HMGN3: variants seen among roughly 807,000 people sequenced by gnomAD.
HMGN3 encodes high mobility group nucleosome-binding domain-containing protein 3.
A neutral mutation model predicts 18.8 loss-of-function variants in HMGN3; 6 were observed. That is an observed-to-expected ratio of 0.32 (90% CI 0.18 to 0.63). HMGN3 has a LOEUF of 0.63. Ranked by LOEUF, HMGN3 falls within the 30% of genes least tolerant of loss-of-function variation. The probability of loss-of-function intolerance (pLI) is 0.79; values close to 1 mark genes in which losing one functional copy is unlikely to be tolerated. For synonymous variants in HMGN3, 40 were observed against 36.5 expected (o/e 1.10, Z -0.35); for missense variants, 107 against 114.2 (o/e 0.94, Z 0.29).
chr6:79,223,132 A>C (rs1398069100), intron 1 of HMGN3, among the ~76,000 whole-genome samples: 1 of 152,198 alleles, frequency 6.6e-6, no homozygotes, highest in Non-Finnish European at 1.5e-5. Context: ...TAATCGCAGC[A>C]CTTTGGGAGG....
chr6:79,201,498 T>C, exon 6 of HMGN3: 2 of 549,006 alleles, frequency 3.6e-6, no homozygotes, highest in South Asian at 2.9e-5. Context: ...CTGATATTTA[T>C]TTTACTTGAG....
intron 2 of HMGN3, among the ~76,000 whole-genome samples, chr6:79,210,660 C>T (rs1024243284): frequency 6.6e-6 from 1 of 152,094 alleles, no homozygotes; most frequent in Non-Finnish European, 1.5e-5. Flanking sequence ...AGAGCCACTA[C>T]TCAGTTACTC....
chr6:79,225,427 C>G (rs553468634), intron 1 of HMGN3, among the ~76,000 whole-genome samples: 3 of 152,290 alleles, frequency 2.0e-5, no homozygotes, highest in African/African-American at 7.2e-5. Flanking sequence ...AGTCCTAGGT[C>G]CAGTGGATTT....
intron 1 of HMGN3, 79 bp from the exon 2 acceptor site, chr6:79,215,101 A>C: frequency 5.6e-5 from 48 of 858,578 alleles, no homozygotes; most frequent in Non-Finnish European, 7.3e-5. Context: ...AAGTTATCTC[A>C]TTCCCAGGAC....
chr6:79,214,928 T>G, intron 2 of HMGN3, 44 bp downstream of exon 2: 1 of 1,030,798 alleles, frequency 9.7e-7, no homozygotes, highest in East Asian at 2.4e-5. Flanking sequence ...TATTAAACAT[T>G]TCAATGTAAA....
intron 1 of HMGN3, among the ~76,000 whole-genome samples, chr6:79,229,753 C>T (rs1777747704): frequency 6.6e-6 from 1 of 152,014 alleles, no homozygotes; most frequent in African/African-American, 2.4e-5. Context: ...TGGCGGGCGC[C>T]TGTAGTCCCA....
At chr6:79,220,379 C>T (rs1223211088) in intron 1 of HMGN3, among the ~76,000 whole-genome samples, 2 of 152,194 alleles carry the variant, frequency 1.3e-5, no homozygotes, top group African/African-American at 4.8e-5. Context: ...TATACCCTTC[C>T]ATTATAATGA....
intron 1 of HMGN3, among the ~76,000 whole-genome samples, chr6:79,216,522 G>T (rs1776990759): frequency 6.6e-6 from 1 of 152,146 alleles, no homozygotes; most frequent in South Asian, 2.1e-4. Context: ...CCCTAGAGCT[G>T]CCCGTTACCC....
rs117774377 is a variant in HMGN3 at position 79,218,636 on chromosome 6, T to C, written c.16-3614A>G. Reference sequence around the variant, plus strand: ...AAAGAAAAGCATAACAAATGATAACTGCAAAATCATGACTGAGGTTACCTT... The same window carrying C: ...AAAGAAAAGCATAACAAATGATAACCGCAAAATCATGACTGAGGTTACCTT... On this transcript the variant is annotated intron_variant, in intron 1 of 5. Coordinates refer to ENST00000344726, the Ensembl canonical transcript of HMGN3. 3.6e-3 allele frequency among the ~76,000 whole-genome samples: 543 copies of C among 152,248 alleles called. 1 individual carries two copies. Among genetic ancestry groups the C allele is most frequent in the Non-Finnish European group, 5.9e-3 (402 of 68,014 alleles).
chr6:79,202,247 A>C (rs759915020), intron 5 of HMGN3, 29 bp downstream of exon 5: 10 of 1,613,844 alleles, frequency 6.2e-6, no homozygotes, highest in Middle Eastern at 1.7e-4. Context: ...ACACTGATTC[A>C]ATCAGTGGGA....
intron 2 of HMGN3, among the ~76,000 whole-genome samples, chr6:79,214,465 T>C (rs1473182751): frequency 6.6e-6 from 1 of 152,210 alleles, no homozygotes; most frequent in African/African-American, 2.4e-5. Flanking sequence ...CCACCCAAAA[T>C]GCTGGGATTA....
chr6:79,202,316 C>T (rs866063539), exon 5 of HMGN3: 6 of 1,613,976 alleles, frequency 3.7e-6, no homozygotes, highest in East Asian at 2.2e-5. Context: ...TGGTGCAGTA[C>T]CTTCCTTTCC....
intron 1 of HMGN3, among the ~76,000 whole-genome samples, chr6:79,228,918 A>C (rs1469951791): frequency 6.6e-6 from 1 of 152,222 alleles, no homozygotes; most frequent in Non-Finnish European, 1.5e-5. Flanking sequence ...ATAAAACATA[A>C]TTGAGTGTCC....
At chr6:79,225,504 C>T (rs186288126) in intron 1 of HMGN3, among the ~76,000 whole-genome samples, 1 of 152,074 alleles carries the variant, frequency 6.6e-6, no homozygotes, top group East Asian at 1.9e-4. Context: ...TTTTTTAAAC[C>T]CAGTCCCTAA....
chr6:79,208,873 A>C (rs1776550115), intron 2 of HMGN3, among the ~76,000 whole-genome samples: 1 of 152,222 alleles, frequency 6.6e-6, no homozygotes, highest in Admixed American at 6.5e-5. Context: ...TTTATCCCAA[A>C]TTAAAACCTC....
chr6:79,205,144 C>A (rs1776355536), intron 3 of HMGN3, among the ~76,000 whole-genome samples: 1 of 152,126 alleles, frequency 6.6e-6, no homozygotes, highest in Admixed American at 6.5e-5. Context: ...TTCTGGTGCT[C>A]AGGAAAAGCT....
At chr6:79,206,034 G>A (rs909006562) in intron 3 of HMGN3, among the ~76,000 whole-genome samples, 1 of 152,144 alleles carries the variant, frequency 6.6e-6, no homozygotes, top group East Asian at 1.9e-4. Flanking sequence ...GTATCTGGTG[G>A]AAAAAATTTC....
At chr6:79,233,575 G>A (rs1365055578) in intron 1 of HMGN3, 1 of 152,184 alleles carries the variant, frequency 6.6e-6, no homozygotes, top group East Asian at 1.9e-4. Flanking sequence ...AACCAGCTGA[G>A]AAATCCTCAC....
At chr6:79,207,228 T>G (rs1443313997) in intron 3 of HMGN3, among the ~76,000 whole-genome samples, 3 of 152,060 alleles carry the variant, frequency 2.0e-5, no homozygotes, top group Non-Finnish European at 2.9e-5. Context: ...TGGGCGGGGC[T>G]GGGGGCAGAA....
Sources: gnomAD v4.1 joint callset for allele counts (sites outside exome capture counted in the v4.1 genomes callset) on GRCh38, gnomAD v4.1.1 for gene constraint, MANE v1.5 for transcripts, NCBI Gene and HGNC (gene_info 2026-07-23, HGNC 2026-07-21) for gene names.